HPS6: variants seen among roughly 807,000 people sequenced by gnomAD.
HPS6 encodes the protein BLOC-2 complex member HPS6.
Under a neutral mutation model 53.6 loss-of-function variants are expected in HPS6, and 46 were observed. The observed-to-expected ratio is 0.86, with a 90% CI of 0.68 to 1.10. The LOEUF (loss-of-function observed/expected upper bound fraction) is 1.10. Among genes scored for constraint, HPS6 ranks in the 50% least tolerant of loss-of-function variants. HPS6 has a pLI of 0.00. For synonymous variants in HPS6, 535 were observed against 470.8 expected (o/e 1.14, Z -1.77); for missense variants, 1,034 against 991.3 (o/e 1.04, Z -0.58).
In HPS6 at chr10:102,065,854, G is replaced by A; in HGVS notation, c.380G>A (p.Arg127His). 1 of 1,523,236 alleles carries A rather than the reference G, an allele frequency of 6.6e-7. No homozygotes were observed. The highest frequency in any genetic ancestry group is 8.8e-7 in the Non-Finnish European group (1 of 1,141,322). 94.4% of individuals were successfully genotyped at this position (1,523,236 alleles called of 1,614,324 possible). The change falls in exon 1 of 1, where the codon CGC becomes CAC. Residue 127 changes from arginine (R) to histidine (H), a missense_variant. Physicochemically the swap from Arg to His is conservative, Grantham distance 29. Coordinates refer to ENST00000299238, the MANE Select transcript of HPS6 (RefSeq NM_024747.6). The stretch of plus-strand genomic sequence containing the variant: ...GAGCTGTGTCCGGGCGGGGGAGCCC[G>A]CGTTGTGGCAGTGGCGGCGCTCCGA... ...STELCPGGGA[R>H]VVAVAALRGR...
Position 102,067,886 on chromosome 10 carries a change from G to T in HPS6, c.*84G>T. 6.7e-7 allele frequency: 1 copy of T among 1,483,326 alleles called. No individual in the cohort carries two copies. The highest frequency in any genetic ancestry group is 1.1e-5 in the South Asian group (1 of 88,166). The allele number at this position is 1,483,326 out of a possible 1,614,324, so 91.9% of individuals were successfully genotyped here. The stretch of plus-strand genomic sequence containing the variant: ...GCTTGGACAGTTCCTCTGTGTCACT[G>T]ACACAGGAAATCATTTCTAGGACAC... On this transcript the variant is annotated 3_prime_UTR_variant, in exon 1 of 1. Coordinates refer to ENST00000299238, the MANE Select transcript of HPS6 (RefSeq NM_024747.6).
At position 102,067,437 on chromosome 10, in the gene HPS6, G is replaced by A; in HGVS notation, c.1963G>A (p.Ala655Thr). ...QKEQWDRALDAGLALGPSSPL... is the reference protein window; with the variant it reads ...QKEQWDRALDTGLALGPSSPL... Reference sequence around the variant, plus strand: ...GGAACAATGGGATCGGGCTCTGGATGCTGGCCTGGCCCTCGGCCCCTCCAG... The same window carrying A: ...GGAACAATGGGATCGGGCTCTGGATACTGGCCTGGCCCTCGGCCCCTCCAG... The change falls in exon 1 of 1, where the codon GCT (alanine) becomes ACT (threonine). Residue 655 changes from alanine (A) to threonine (T), a missense_variant. Coordinates refer to ENST00000299238, the MANE Select transcript of HPS6 (RefSeq NM_024747.6). 3 of 1,613,278 alleles carry A rather than the reference G, an allele frequency of 1.9e-6. No individual in the cohort carries two copies. The highest frequency in any genetic ancestry group is 2.5e-6 in the Non-Finnish European group (3 of 1,180,012).
chr10:102,067,206 C>T lies in HPS6; in HGVS notation c.1732C>T (p.Arg578Ter), dbSNP rs940319528. Residue 578 changes from arginine to a stop codon, truncating the protein, a stop_gained, in exon 1 of 1, where the codon CGA (arginine) becomes TGA (stop). Coordinates refer to ENST00000299238, the MANE Select transcript of HPS6 (RefSeq NM_024747.6). LOFTEE classifies it high-confidence loss of function. ...CCAGTGTCTGTGCCAGCTGGAGCCT[C>T]GATGGCTGCCACCCTTTGTGGAGCT... Reference protein sequence around the residue: ...LCQCLCQLEPRWLPPFVELAQ... With the variant: ...LCQCLCQLEP 3.7e-6 allele frequency: 6 copies of T among 1,613,200 alleles called. No individual in the cohort carries two copies. The highest frequency in any genetic ancestry group is 5.1e-6 in the Non-Finnish European group (6 of 1,180,010).
At position 102,066,852 on chromosome 10, in the gene HPS6, C is replaced by T. The variant is rs201358051; in HGVS notation, c.1378C>T (p.Arg460Trp). The T allele has an allele frequency of 2.0e-5, 32 of 1,614,172 alleles. No individual in the cohort carries two copies. The highest frequency in any genetic ancestry group is 1.1e-4 in the South Asian group (10 of 91,086). ...GCTGACCATGTTGAGGACCGAGCTT[C>T]GGGATTACCGAGGCTTAGAACAGCT... ...ALLTMLRTEL[R>W]DYRGLEQLKA... Residue 460 changes from arginine to tryptophan, a missense_variant, in exon 1 of 1, where the codon CGG (arginine) becomes TGG (tryptophan). By Grantham distance (101) the Arg-to-Trp change is moderately radical (BLOSUM62 -3). Coordinates refer to ENST00000299238, the MANE Select transcript of HPS6 (RefSeq NM_024747.6).
At position 102,067,118 on chromosome 10, in the gene HPS6, AG is replaced by A. The variant is rs1590263820; in HGVS notation, c.1649del (p.Gly550GlufsTer2). 6.2e-7 allele frequency: 1 copy of A among 1,614,084 alleles called. No homozygotes were observed. The highest frequency in any genetic ancestry group is 8.5e-7 in the Non-Finnish European group (1 of 1,180,000). On this transcript the variant is annotated frameshift_variant, in exon 1 of 1. Transcript: ENST00000299238. LOFTEE classifies it high-confidence loss of function. ...APPDVWKKVL[G>X]GITAGKEPPN... The stretch of plus-strand genomic sequence containing the variant: ...CCCCTGATGTGTGGAAGAAAGTGTT[AG>A]GGGGAATAACCGCTGGAAAGGAACC...
Position 102,066,708 on chromosome 10 carries a change from C to T in HPS6, c.1234C>T (p.Gln412Ter), listed in dbSNP as rs281865112. 7 of 1,613,810 alleles carry T rather than the reference C, an allele frequency of 4.3e-6. No individual in the cohort carries two copies. Among genetic ancestry groups the T allele is most frequent in the Non-Finnish European group, 4.2e-6 (5 of 1,180,004 alleles). ...LVFEEACGYY[Q>*]RRSLRGAQLT... Reference sequence around the variant, plus strand: ...GTTTGAGGAGGCCTGCGGGTACTACCAGCGGCGGAGCCTGCGGGGTGCCCA... The same window carrying T: ...GTTTGAGGAGGCCTGCGGGTACTACTAGCGGCGGAGCCTGCGGGGTGCCCA... Residue 412 changes from glutamine (Q) to a stop codon, truncating the protein, a stop_gained, in exon 1 of 1, where the codon CAG becomes TAG. Transcript: ENST00000299238. LOFTEE classifies it high-confidence loss of function.
At position 102,067,874 on chromosome 10, in the gene HPS6, C is replaced by A; in HGVS notation, c.*72C>A. The A allele has an allele frequency of 1.3e-6, 2 of 1,514,572 alleles. No individual in the cohort carries two copies. The highest frequency in any genetic ancestry group is 1.8e-6 in the Non-Finnish European group (2 of 1,090,586). The allele number at this position is 1,514,572 out of a possible 1,614,324, so 93.8% of individuals were successfully genotyped here. On this transcript the variant is annotated 3_prime_UTR_variant, in exon 1 of 1. Transcript: ENST00000299238. The stretch of plus-strand genomic sequence containing the variant: ...GACTGGAGGCTTGCTTGGACAGTTC[C>A]TCTGTGTCACTGACACAGGAAATCA...
chr10:102,067,976 G>T lies in HPS6; in HGVS notation c.*174G>T. 1.4e-6 allele frequency: 1 copy of T among 726,762 alleles called. No individual in the cohort carries two copies. The highest frequency in any genetic ancestry group is 1.5e-5 in the South Asian group (1 of 65,776). The allele number at this position is 726,762 out of a possible 1,614,324, so 45.0% of individuals were successfully genotyped here. On this transcript the variant is annotated 3_prime_UTR_variant, in exon 1 of 1. Coordinates refer to ENST00000299238, the MANE Select transcript of HPS6 (RefSeq NM_024747.6). ...TGTATGGACCTGTGTATGCAATACT[G>T]TTCTGTCATCTGGAGCTATTTTTAA...
rs201468546 is a variant in HPS6, at chr10:102,066,727, G to A, written c.1253G>A (p.Gly418Asp). Residue 418 changes from glycine (G) to aspartate (D), a missense_variant, in exon 1 of 1, where the codon GGT becomes GAT. Physicochemically the swap from Gly to Asp is moderately conservative, Grantham distance 94 (BLOSUM62 -1). Transcript: ENST00000299238. ...TACTACCAGCGGCGGAGCCTGCGGG[G>A]TGCCCAGCTCACTCCAGAAGAACTG... is the stretch of plus-strand genomic sequence containing the variant. ...CGYYQRRSLR[G>D]AQLTPEELRH... is the part of the protein sequence containing the mutation. 5 of 1,613,862 alleles carry A rather than the reference G, an allele frequency of 3.1e-6. No individual in the cohort carries two copies. In the East Asian group the frequency reaches 8.9e-5, roughly 29 times the overall value.
At position 102,065,555 on chromosome 10, in the gene HPS6, C is replaced by A; in HGVS notation, c.81C>A (p.Ala27=). Reference sequence around the variant, plus strand: ...CGGCGCGGCTCCGGGAGCTGGTGGCCGGGGACTCAGCGGTCCGAGTCCGTG... The same window carrying A: ...CGGCGCGGCTCCGGGAGCTGGTGGCAGGGGACTCAGCGGTCCGAGTCCGTG... ...GGAARLRELV[A]GDSAVRVRGS... Residue 27 remains alanine, a synonymous_variant, in exon 1 of 1, where the codon GCC becomes GCA. Transcript: ENST00000299238. 1.3e-6 allele frequency: 2 copies of A among 1,549,432 alleles called. No homozygotes were observed. Among genetic ancestry groups the A allele is most frequent in the South Asian group, 1.2e-5 (1 of 84,712 alleles).
rs952447952 is a variant in HPS6 at position 102,065,777 on chromosome 10, C to T, written c.303C>T (p.Ala101=). Residue 101 remains alanine (A), a synonymous_variant, in exon 1 of 1, where the codon GCC becomes GCT. Transcript: ENST00000299238. ...TGCTGGTGTGGGAGAGTGGCCTGGC[C>T]GAGGTGTGGGGCGCGGGCGTGGGGC... ...ALVLVWESGL[A]EVWGAGVGPG... 17 of 1,497,870 alleles carry T rather than the reference C, an allele frequency of 1.1e-5. No homozygotes were observed. In the Admixed American group the frequency reaches 3.0e-4, roughly 27 times the overall value. The allele number at this position is 1,497,870 out of a possible 1,614,324, so 92.8% of individuals were successfully genotyped here. A position where few individuals can be genotyped will look rare whatever the true frequency, so the allele number is the denominator to read the frequency against.
Position 102,065,873 on chromosome 10 carries a change from G to T in HPS6, c.399G>T (p.Ala133=). 1.3e-6 allele frequency: 2 copies of T among 1,529,326 alleles called. No individual in the cohort carries two copies. Among genetic ancestry groups the T allele is most frequent in the South Asian group, 2.4e-5 (2 of 83,896 alleles). The allele number at this position is 1,529,326 out of a possible 1,614,324, so 94.7% of individuals were successfully genotyped here. Residue 133 remains alanine, a synonymous_variant, in exon 1 of 1, where the codon GCG becomes GCT. Coordinates refer to ENST00000299238, the MANE Select transcript of HPS6 (RefSeq NM_024747.6). ...GAGCCCGCGTTGTGGCAGTGGCGGCGCTCCGAGGCCGCCTGGTGTGGTGCG... is the reference window on the plus strand; with the variant it reads ...GAGCCCGCGTTGTGGCAGTGGCGGCTCTCCGAGGCCGCCTGGTGTGGTGCG... The part of the protein sequence containing the change: ...GGGARVVAVA[A]LRGRLVWCEE...
Position 102,066,489 on chromosome 10 carries a change from A to C in HPS6, c.1015A>C (p.Ser339Arg). The change falls in exon 1 of 1, where the codon AGT becomes CGT. Residue 339 changes from serine (S) to arginine (R), a missense_variant. Physicochemically the swap from Ser to Arg is moderately radical, Grantham distance 110 (BLOSUM62 -1). Transcript: ENST00000299238. ...CACATTGGAACTGCTGGACATGGGCAGTGGGCAGCTGCTGGAGAGGAAGGT... is the reference window on the plus strand; with the variant it reads ...CACATTGGAACTGCTGGACATGGGCCGTGGGCAGCTGCTGGAGAGGAAGGT... ...GSTLELLDMG[S>R]GQLLERKVLS... 3 of 1,614,180 alleles carry C rather than the reference A, an allele frequency of 1.9e-6. No homozygotes were observed. Among genetic ancestry groups the C allele is most frequent in the Non-Finnish European group, 2.5e-6 (3 of 1,180,020 alleles).
chr10:102,066,143 G>A lies in HPS6; in HGVS notation c.669G>A (p.Lys223=). The stretch of plus-strand genomic sequence containing the variant: ...TTCTACTCATCTGGAGCCCAGGCAA[G>A]GGCAAAGTGATGGTGGCTGCCCCAC... The part of the protein sequence containing the change: ...AHVLLIWSPG[K]GKVMVAAPRL... The change falls in exon 1 of 1, where the codon AAG becomes AAA. Residue 223 remains lysine (K), a synonymous_variant. Transcript: ENST00000299238. The A allele has an allele frequency of 1.2e-6, 2 of 1,613,846 alleles. No homozygotes were observed. The highest frequency in any genetic ancestry group is 8.5e-7 in the Non-Finnish European group (1 of 1,180,050).
In HPS6 at chr10:102,065,986, G is replaced by C. The variant is rs202026453; in HGVS notation, c.512G>C (p.Ser171Thr). 15 of 1,600,508 alleles carry C rather than the reference G, an allele frequency of 9.4e-6. No individual in the cohort carries two copies. In the African/African-American group the frequency reaches 1.9e-4, roughly 20 times the overall value. ...HCVCVRTLEPSGEASTSLGRT... is the reference protein window; with the variant it reads ...HCVCVRTLEPTGEASTSLGRT... Reference sequence around the variant, plus strand: ...GTGTGCGTCCGGACTCTGGAGCCCAGCGGGGAAGCTAGCACCAGCCTGGGC... The same window carrying C: ...GTGTGCGTCCGGACTCTGGAGCCCACCGGGGAAGCTAGCACCAGCCTGGGC... Residue 171 changes from serine (S) to threonine (T), a missense_variant, in exon 1 of 1, where the codon AGC becomes ACC. Coordinates refer to ENST00000299238, the MANE Select transcript of HPS6 (RefSeq NM_024747.6).
rs1422608787 is a variant in HPS6 at position 102,067,810 on chromosome 10, T to C, written c.*8T>C. 6.2e-7 allele frequency: 1 copy of C among 1,612,872 alleles called. No individual in the cohort carries two copies. The highest frequency in any genetic ancestry group is 8.5e-7 in the Non-Finnish European group (1 of 1,179,996). On this transcript the variant is annotated 3_prime_UTR_variant, in exon 1 of 1. Coordinates refer to ENST00000299238, the MANE Select transcript of HPS6 (RefSeq NM_024747.6). Reference sequence around the variant, plus strand: ...CCACCTCGGGACCTATGACTACCCTTCAGGCATCAGAACACTCAGGGCCTG... The same window carrying C: ...CCACCTCGGGACCTATGACTACCCTCCAGGCATCAGAACACTCAGGGCCTG...
Position 102,067,659 on chromosome 10 carries a change from C to A in HPS6, c.2185C>A (p.Pro729Thr). The A allele has an allele frequency of 1.2e-6, 2 of 1,613,960 alleles. No homozygotes were observed. The highest frequency in any genetic ancestry group is 8.5e-7 in the Non-Finnish European group (1 of 1,180,020). Residue 729 changes from proline to threonine, a missense_variant, in exon 1 of 1, where the codon CCC becomes ACC. Transcript: ENST00000299238. ...CCCATTCCCTGAGCCTGGAGCAGAG[C>A]CCCCTCTCACTGTGGGCTTGCTCAA... ...PTPFPEPGAE[P>T]PLTVGLLKAL...
At position 102,067,393 on chromosome 10, in the gene HPS6, T is replaced by C. The variant is rs2067980131; in HGVS notation, c.1919T>C (p.Val640Ala). 1 of 1,612,952 alleles carries C rather than the reference T, an allele frequency of 6.2e-7. No individual in the cohort carries two copies. The highest frequency in any genetic ancestry group is 8.5e-7 in the Non-Finnish European group (1 of 1,180,014). Residue 640 changes from valine (V) to alanine (A), a missense_variant, in exon 1 of 1, where the codon GTC becomes GCC. Coordinates refer to ENST00000299238, the MANE Select transcript of HPS6 (RefSeq NM_024747.6). The stretch of plus-strand genomic sequence containing the variant: ...CGGCCTAAAGCTGTGCTCCAAGCTG[T>C]CGGGCAGCTGGTGCAAAAGGAACAA... ...SGRPKAVLQA[V>A]GQLVQKEQWD...
In HPS6 at chr10:102,066,012, C is replaced by G. The variant is rs750622914; in HGVS notation, c.538C>G (p.Arg180Gly). Reference sequence around the variant, plus strand: ...CGGGGAAGCTAGCACCAGCCTGGGCCGCACACACGTCCTGCTGCACCACTG... The same window carrying G: ...CGGGGAAGCTAGCACCAGCCTGGGCGGCACACACGTCCTGCTGCACCACTG... Reference protein sequence around the residue: ...PSGEASTSLGRTHVLLHHCPA... With the variant: ...PSGEASTSLGGTHVLLHHCPA... Residue 180 changes from arginine (R) to glycine (G), a missense_variant, in exon 1 of 1, where the codon CGC becomes GGC. Transcript: ENST00000299238. 6.9e-6 allele frequency: 11 copies of G among 1,604,390 alleles called. No individual in the cohort carries two copies. The highest frequency in any genetic ancestry group is 1.6e-4 in the Middle Eastern group (1 of 6,080).
Sources: allele counts gnomAD v4.1 joint callset, GRCh38; gene constraint gnomAD v4.1.1; transcripts MANE v1.5; gene names NCBI Gene and HGNC (gene_info 2026-07-23, HGNC 2026-07-21).